Variants in TAFA5 observed in about 807,000 individuals in gnomAD.
The protein encoded by TAFA5 is chemokine-like protein TAFA-5.
TAFA5 carries 6 observed loss-of-function variants against 15.3 expected under a neutral mutation model. The observed-to-expected ratio is 0.39, with a 90% confidence interval of 0.21 to 0.77. The LOEUF (loss-of-function observed/expected upper bound fraction) is 0.77. Among genes scored for constraint, TAFA5 ranks in the 30% least tolerant of loss-of-function variants. The pLI is 0.41. For synonymous variants in TAFA5, 103 were observed against 80.7 expected (o/e 1.28, Z -1.48); for missense variants, 161 against 193.1 (o/e 0.83, Z 0.98).
intron 1 of TAFA5, among the ~76,000 whole-genome samples, chr22:48,503,005 G>A (rs1410271521): frequency 1.3e-5 from 2 of 152,162 alleles, no homozygotes; most frequent in African/African-American, 4.8e-5. Flanking sequence ...CCCTGCAGAG[G>A]TGGAAGGATG....
intron 1 of TAFA5, among the ~76,000 whole-genome samples, chr22:48,584,712 C>G (rs957765655): frequency 6.8e-6 from 1 of 147,920 alleles, no homozygotes; most frequent in African/African-American, 2.5e-5. Context: ...ACAAAATGCA[C>G]CACACACCCC....
chr22:48,563,018 G>A (rs1429105791), intron 1 of TAFA5, among the ~76,000 whole-genome samples: 1 of 152,198 alleles, frequency 6.6e-6, no homozygotes, highest in Non-Finnish European at 1.5e-5. Flanking sequence ...CCAGAGCTGG[G>A]CTGGACCGAG....
At chr22:48,579,821 G>A (rs1923965963) in intron 1 of TAFA5, among the ~76,000 whole-genome samples, 1 of 152,208 alleles carries the variant, frequency 6.6e-6, no homozygotes, top group African/African-American at 2.4e-5. Context: ...GGCCACAGCG[G>A]CAGAGAGGTT....
At chr22:48,611,221 C>T (rs917847687) in intron 1 of TAFA5, among the ~76,000 whole-genome samples, 3 of 152,228 alleles carry the variant, frequency 2.0e-5, no homozygotes, top group Non-Finnish European at 2.9e-5. Flanking sequence ...AGGCGTGAGG[C>T]ACCGCACTCA....
intron 1 of TAFA5, among the ~76,000 whole-genome samples, chr22:48,533,724 G>A (rs758018186): frequency 1.1e-4 from 16 of 152,278 alleles, no homozygotes; most frequent in South Asian, 8.3e-4. Flanking sequence ...ATGAAATTTC[G>A]CAGTGAGCTG....
intron 1 of TAFA5, among the ~76,000 whole-genome samples, chr22:48,537,340 G>A (rs1035928759): frequency 1.3e-5 from 2 of 152,180 alleles, no homozygotes; most frequent in Non-Finnish European, 2.9e-5. Flanking sequence ...TGGGAGAGAC[G>A]GGGTCTGGCC....
intron 1 of TAFA5, chr22:48,576,685 T>A: frequency 2.6e-6 from 3 of 1,174,878 alleles, no homozygotes; most frequent in Non-Finnish European, 3.2e-6. Context: ...CGGCTGAGGC[T>A]CGTGGAGCGC....
intron 1 of TAFA5, among the ~76,000 whole-genome samples, chr22:48,533,787 C>G (rs756944904): frequency 6.6e-6 from 1 of 151,954 alleles, no homozygotes; most frequent in Admixed American, 6.5e-5. Context: ...TTTTCCTTTT[C>G]CCACCTGTCC....
intron 1 of TAFA5, chr22:48,576,456 G>T: frequency 2.2e-6 from 3 of 1,392,766 alleles, no homozygotes; most frequent in Non-Finnish European, 1.9e-6. Context: ...GACTTCGGGG[G>T]CGTCGGCCGA....
At chr22:48,629,747 G>GAC (rs1353588212) in intron 1 of TAFA5, among the ~76,000 whole-genome samples, 4 of 152,214 alleles carry the variant, frequency 2.6e-5, no homozygotes, top group Non-Finnish European at 5.9e-5. Flanking sequence ...CACCACTGCA[G>GAC]GAAACCCTGG....
At chr22:48,655,718 G>A (rs1189291836) in intron 2 of TAFA5, among the ~76,000 whole-genome samples, 1 of 152,076 alleles carries the variant, frequency 6.6e-6, no homozygotes, top group African/African-American at 2.4e-5. Flanking sequence ...TAACGCAGCT[G>A]TGGCCTCAAG....
rs149010538 is a variant in TAFA5 at position 48,746,920 on chromosome 22, C to T, written c.391-2919C>T. Among the ~76,000 whole-genome samples, 135 of 152,284 alleles carry T rather than the reference C, an allele frequency of 8.9e-4. No individual in the cohort carries two copies. In the East Asian group the frequency reaches 0.01, roughly 12 times the overall value. On this transcript the variant is annotated intron_variant, in intron 3 of 3. Coordinates refer to ENST00000402357, the MANE Select transcript of TAFA5 (RefSeq NM_001082967.3). Reference sequence around the variant, plus strand: ...GGCAGCTCACCAGCCTGATGGGTACCGGACCCCCATGTCCTCAGGAGGCTG... The same window carrying T: ...GGCAGCTCACCAGCCTGATGGGTACTGGACCCCCATGTCCTCAGGAGGCTG...
intron 2 of TAFA5, among the ~76,000 whole-genome samples, chr22:48,681,780 CCTT>C (rs1248884307): frequency 1.3e-5 from 2 of 152,170 alleles, no homozygotes; most frequent in African/African-American, 2.4e-5. Context: ...TGGGGTCTGT[CCTT>C]CTTGCACACA....
chr22:48,718,275 G>A (rs773430422), intron 3 of TAFA5, among the ~76,000 whole-genome samples: 6 of 152,198 alleles, frequency 3.9e-5, no homozygotes, highest in Non-Finnish European at 8.8e-5. Flanking sequence ...CGCTGTGGCC[G>A]TCATTAGTCA....
chr22:48,658,440 T>G (rs1927323852), intron 2 of TAFA5, among the ~76,000 whole-genome samples: 1 of 151,922 alleles, frequency 6.6e-6, no homozygotes, highest in Non-Finnish European at 1.5e-5. Context: ...CTGGGTGGAG[T>G]CTAAATATGG....
intron 2 of TAFA5, among the ~76,000 whole-genome samples, chr22:48,704,107 C>T (rs5771729): frequency 6.6e-6 from 1 of 151,864 alleles, no homozygotes; most frequent in African/African-American, 2.4e-5. Flanking sequence ...GGATGGGAGC[C>T]CACGTGGGGA....
At chr22:48,615,789 G>A (rs529106054) in intron 1 of TAFA5, among the ~76,000 whole-genome samples, 2 of 152,254 alleles carry the variant, frequency 1.3e-5, no homozygotes, top group Admixed American at 6.5e-5. Flanking sequence ...CATTGCGGGG[G>A]ACCATGGAGG....
chr22:48,555,653 C>T (rs771737184), intron 1 of TAFA5, among the ~76,000 whole-genome samples: 19 of 152,194 alleles, frequency 1.2e-4, no homozygotes, highest in South Asian at 4.1e-4. Flanking sequence ...ACGGGCACCC[C>T]GTGGTCTGTG....
chr22:48,631,649 G>T (rs572471507), intron 1 of TAFA5, among the ~76,000 whole-genome samples: 22 of 152,326 alleles, frequency 1.4e-4, no homozygotes, highest in African/African-American at 5.3e-4. Context: ...GAAGAAATTA[G>T]CCAGACTCAG....
Sources: gnomAD v4.1 joint callset for allele counts (sites outside exome capture counted in the v4.1 genomes callset) on GRCh38, gnomAD v4.1.1 for gene constraint, MANE v1.5 for transcripts, NCBI Gene and HGNC (gene_info 2026-07-23, HGNC 2026-07-21) for gene names.